PNKD: variants seen among roughly 807,000 people sequenced by gnomAD.
PNKD encodes the protein probable thioesterase PNKD.
Under a neutral mutation model 45.3 loss-of-function variants are expected in PNKD, and 36 were observed. The observed-to-expected ratio is 0.80, with a 90% CI of 0.61 to 1.05. PNKD has a LOEUF of 1.05. Ranked by LOEUF, PNKD falls within the 50% of genes least tolerant of loss-of-function variation. The pLI, the probability that PNKD is intolerant of heterozygous loss-of-function variation, is 0.00. For missense variants in PNKD, 511 were observed against 506.6 expected, an observed-to-expected ratio of 1.01 and a Z score of -0.08; for synonymous variants, 197 against 210.1, an observed-to-expected ratio of 0.94 and a Z score of 0.54.
At chr2:218,305,026 T>C (rs1693370551) in intron 2 of PNKD, among the ~76,000 whole-genome samples, 1 of 151,928 alleles carries the variant, frequency 6.6e-6, no homozygotes, top group Non-Finnish European at 1.5e-5. Flanking sequence ...TGAGCTGAGA[T>C]CGCGCCACTG....
chr2:218,330,237 G>A (rs1050971909), intron 2 of PNKD, among the ~76,000 whole-genome samples: 2 of 152,220 alleles, frequency 1.3e-5, no homozygotes, highest in Non-Finnish European at 2.9e-5. Flanking sequence ...CCTGGCCTGA[G>A]GCCGGCCCTG....
intron 2 of PNKD, among the ~76,000 whole-genome samples, chr2:218,283,127 A>C (rs1313446063): frequency 1.3e-5 from 2 of 152,172 alleles, no homozygotes; most frequent in Non-Finnish European, 2.9e-5. Context: ...GGTCAAGGGA[A>C]TGCCTTCCCT....
intron 2 of PNKD, chr2:218,272,697 C>T (rs1690896950): frequency 6.2e-7 from 1 of 1,614,210 alleles, no homozygotes; most frequent in South Asian, 1.1e-5. Flanking sequence ...GTATGAGAGC[C>T]AGAGGTTCAG....
At chr2:218,334,051 G>A (rs965716627) in intron 2 of PNKD, among the ~76,000 whole-genome samples, 1 of 151,010 alleles carries the variant, frequency 6.6e-6, no homozygotes, top group African/African-American at 2.4e-5. Context: ...GGAGATGGAG[G>A]TTGCAGTGAG....
intron 2 of PNKD, chr2:218,323,494 G>C: frequency 1.4e-6 from 2 of 1,424,230 alleles, no homozygotes; most frequent in Non-Finnish European, 1.8e-6. Context: ...GAGGGGACTG[G>C]GAGGCGGGGG....
At chr2:218,279,091 C>T (rs1361473454) in intron 2 of PNKD, 1 of 1,614,022 alleles carries the variant, frequency 6.2e-7, no homozygotes, top group Non-Finnish European at 8.5e-7. Flanking sequence ...TGACAGGTTC[C>T]CTGTGGGGCA....
At position 218,345,020 on chromosome 2, in the gene PNKD, G is replaced by A; in HGVS notation, c.*39G>A. On this transcript the variant is annotated 3_prime_UTR_variant, in exon 10 of 10. Coordinates refer to ENST00000273077, the MANE Select transcript of PNKD (RefSeq NM_015488.5). ...CCCAGCCCAGCCCACTCCCCGCATG[G>A]GGAGGCCGCCACCACCAACACCTCA... 1 of 1,534,108 alleles carries A rather than the reference G, an allele frequency of 6.5e-7. No individual in the cohort carries two copies. Among genetic ancestry groups the A allele is most frequent in the East Asian group, 2.3e-5 (1 of 44,240 alleles).
Position 218,337,489 on chromosome 2 carries a change from C to T in PNKD, c.237-2294C>T, listed in dbSNP as rs74745550. Among the ~76,000 whole-genome samples the T allele has an allele frequency of 4.8e-3, 726 of 152,298 alleles. 8 individuals carry two copies. Among genetic ancestry groups the T allele is most frequent in the African/African-American group, 0.017 (695 of 41,564 alleles). On this transcript the variant is annotated intron_variant, in intron 2 of 9. Transcript: ENST00000273077. ...TATCTTCCCTTTCCTTTCTATATCGCTATTTGCAGCATAAATAGGTGGATA... is the reference window on the plus strand; with the variant it reads ...TATCTTCCCTTTCCTTTCTATATCGTTATTTGCAGCATAAATAGGTGGATA...
Position 218,345,167 on chromosome 2 carries a change from C to T in PNKD, c.*186C>T. 1.7e-6 allele frequency: 1 copy of T among 603,746 alleles called. No homozygotes were observed. Among genetic ancestry groups the T allele is most frequent in the Admixed American group, 3.0e-5 (1 of 33,562 alleles). The allele number at this position is 603,746 out of a possible 1,614,324, so 37.4% of individuals were successfully genotyped here. On this transcript the variant is annotated 3_prime_UTR_variant, in exon 10 of 10. Transcript: ENST00000273077. Reference sequence around the variant, plus strand: ...GACTGTGAGGCCAAAAGAAGGGGGCCTGTTGGAGGCTGGGAACCCCGCAGC... The same window carrying T: ...GACTGTGAGGCCAAAAGAAGGGGGCTTGTTGGAGGCTGGGAACCCCGCAGC...
At chr2:218,315,380 ATCCACCCACCTCGGCC>A (rs1231410388) in intron 2 of PNKD, among the ~76,000 whole-genome samples, 3 of 151,470 alleles carry the variant, frequency 2.0e-5, no homozygotes, top group Admixed American at 6.6e-5. Context: ...TGACCTCGTC[ATCCACCCACCTCGGCC>A]TCCACCCGCC....
chr2:218,315,057 T>TCTTTCTTTCTTC (rs61429059), intron 2 of PNKD, among the ~76,000 whole-genome samples: 615 of 55,566 alleles, frequency 0.011, 45 homozygotes, highest in African/African-American at 0.025. Flanking sequence ...TTTCTTTCTT[T>TCTTTCTTTCTTC]CTTCCTTCCT....
chr2:218,274,147 G>A (rs879245635), intron 2 of PNKD: 2 of 155,092 alleles, frequency 1.3e-5, no homozygotes, highest in East Asian at 1.9e-4. Context: ...GCAGAAGGAA[G>A]AAGTGGATAC....
intron 2 of PNKD, chr2:218,274,352 C>G (rs1001763480): frequency 3.2e-5 from 5 of 154,924 alleles, no homozygotes; most frequent in African/African-American, 9.6e-5. Flanking sequence ...TCCCCCTTCC[C>G]CATTCCAGCT....
chr2:218,272,470 C>A, intron 2 of PNKD: 1 of 1,074,478 alleles, frequency 9.3e-7, no homozygotes, highest in Non-Finnish European at 1.4e-6. Flanking sequence ...AGAGGTATTG[C>A]AGCATTCATG....
At chr2:218,271,255 C>T in intron 1 of PNKD, 126 bp from the exon 2 acceptor site, 4 of 858,372 alleles carry the variant, frequency 4.7e-6, no homozygotes, top group South Asian at 1.3e-5. Context: ...GCACTTCTTA[C>T]TTCAGACTGC....
chr2:218,298,288 C>T (rs1025653544), intron 2 of PNKD, among the ~76,000 whole-genome samples: 10 of 152,130 alleles, frequency 6.6e-5, no homozygotes, highest in Non-Finnish European at 1.2e-4. Context: ...TGCACGTTCC[C>T]TTGGGGATAC....
At chr2:218,284,963 G>A (rs906364729) in intron 2 of PNKD, among the ~76,000 whole-genome samples, 9 of 152,232 alleles carry the variant, frequency 5.9e-5, no homozygotes, top group Middle Eastern at 3.4e-3. Flanking sequence ...GGCAGCAGGC[G>A]CCTAGAATCC....
intron 2 of PNKD, among the ~76,000 whole-genome samples, chr2:218,283,706 CTCTTT>C (rs1377631441): frequency 7.2e-5 from 11 of 152,166 alleles, no homozygotes; most frequent in Admixed American, 3.9e-4. Flanking sequence ...CTTATCTCTT[CTCTTT>C]TATGACAACT....
chr2:218,279,571 A>G (rs910804918), intron 2 of PNKD: 4 of 522,284 alleles, frequency 7.7e-6, no homozygotes, highest in Non-Finnish European at 1.4e-5. Context: ...GTCCAACACC[A>G]GCCTCGGTGA....
Sources: allele counts gnomAD v4.1 joint callset (sites outside exome capture counted in the v4.1 genomes callset), GRCh38; gene constraint gnomAD v4.1.1; transcripts MANE v1.5; gene names NCBI Gene and HGNC (gene_info 2026-07-23, HGNC 2026-07-21).